Variants in NXPE4 observed in about 807,000 individuals in gnomAD.
NXPE4 encodes the protein neurexophilin and PC-esterase domain family member 4.
In NXPE4, 42 loss-of-function variants were observed where a neutral mutation model predicts 33.3. That is an observed-to-expected ratio of 1.26 (90% CI 0.98 to 1.63). NXPE4 has a LOEUF of 1.63. Ranked by LOEUF, NXPE4 falls within the 40% of genes most tolerant of loss-of-function variation. The pLI, the probability that NXPE4 is intolerant of heterozygous loss-of-function variation, is 0.00. For synonymous variants in NXPE4, 253 were observed against 234.9 expected, an observed-to-expected ratio of 1.08 and a Z score of -0.71; for missense variants, 709 against 647.6, an observed-to-expected ratio of 1.09 and a Z score of -1.03.
At chr11:114,578,725 A>G (rs1294537034) in intron 5 of NXPE4, among the ~76,000 whole-genome samples, 4 of 152,182 alleles carry the variant, frequency 2.6e-5, no homozygotes, top group Non-Finnish European at 5.9e-5. Context: ...AGGGGTAGAC[A>G]ATAATGGTTT....
chr11:114,583,746 A>C, intron 2 of NXPE4: 2 of 504,910 alleles, frequency 4.0e-6, no homozygotes. Flanking sequence ...GAACTGCTAA[A>C]GTATCACCAG....
the NXPE4 span, among the ~76,000 whole-genome samples, chr11:114,628,288 A>G: frequency 6.6e-6 from 1 of 151,370 alleles, no homozygotes; most frequent in South Asian, 2.1e-4. Flanking sequence ...CTCCTCAGAA[A>G]ATGTAAAAGA....
At chr11:114,599,602 A>G (rs1278330387), upstream of NXPE4, among the ~76,000 whole-genome samples, 2 of 152,180 alleles carry the variant, frequency 1.3e-5, no homozygotes, top group Non-Finnish European at 2.9e-5. Context: ...TACAGGGAGC[A>G]TGGTAGCTTC....
In NXPE4 at chr11:114,577,009, TTATATATA is replaced by T. The variant is rs56902026; in HGVS notation, c.1099+3115_1099+3122del. The stretch of plus-strand genomic sequence containing the variant: ...TATATATACATATATATATATAAAG[TTATATATA>T]TATATATATACATATATATATATAA... On this transcript the variant is annotated intron_variant, in intron 5 of 5. Transcript: ENST00000375478. 1.5e-4 allele frequency among the ~76,000 whole-genome samples: 17 copies of T among 116,246 alleles called. No homozygotes were observed. In the East Asian group the frequency reaches 2.4e-3, roughly 17 times the overall value. 76.3% of individuals were successfully genotyped at this position (116,246 alleles called of 152,430 possible).
At chr11:114,609,972 A>C in the NXPE4 span, among the ~76,000 whole-genome samples, 3 of 151,600 alleles carry the variant, frequency 2.0e-5, no homozygotes, top group East Asian at 5.9e-4. Flanking sequence ...GGTGGATAAT[A>C]GTTGTTGCCT....
At chr11:114,647,800 T>C in the NXPE4 span, among the ~76,000 whole-genome samples, 4 of 152,084 alleles carry the variant, frequency 2.6e-5, no homozygotes, top group African/African-American at 9.6e-5. Context: ...CCCCTGGGTT[T>C]AAGCGATTCT....
the NXPE4 span, among the ~76,000 whole-genome samples, chr11:114,614,131 C>T: frequency 1.9e-4 from 28 of 149,076 alleles, no homozygotes; most frequent in South Asian, 2.1e-4. Context: ...GTGTTACCTG[C>T]TGGATAATAA....
At chr11:114,628,942 G>A in the NXPE4 span, among the ~76,000 whole-genome samples, 23 of 152,042 alleles carry the variant, frequency 1.5e-4, no homozygotes, top group Admixed American at 1.1e-3. Context: ...TAAATTCCTC[G>A]ACACATACAC....
chr11:114,577,164 A>G (rs1362225774), intron 5 of NXPE4, among the ~76,000 whole-genome samples: 1 of 133,346 alleles, frequency 7.5e-6, no homozygotes, highest in Non-Finnish European at 1.5e-5. Context: ...TATGTGTCAT[A>G]TATATATATA....
the NXPE4 span, among the ~76,000 whole-genome samples, chr11:114,636,046 G>A: frequency 6.6e-6 from 1 of 151,894 alleles, no homozygotes; most frequent in Non-Finnish European, 1.5e-5. Context: ...AACGGTACCA[G>A]TTCCTCCTTG....
chr11:114,634,100 T>G, the NXPE4 span, among the ~76,000 whole-genome samples: 1 of 151,638 alleles, frequency 6.6e-6, no homozygotes, highest in Non-Finnish European at 1.5e-5. Flanking sequence ...GTGTTCCTAT[T>G]TCTCCACATC....
At chr11:114,608,409 C>G in the NXPE4 span, among the ~76,000 whole-genome samples, 1 of 151,890 alleles carries the variant, frequency 6.6e-6, no homozygotes, top group Non-Finnish European at 1.5e-5. Flanking sequence ...CCACTGTTAC[C>G]TGGTAGATAA....
chr11:114,570,874 C>A lies in NXPE4; in HGVS notation c.*64G>T. On this transcript the variant is annotated 3_prime_UTR_variant, in exon 6 of 6. Coordinates refer to ENST00000375478, the MANE Select transcript of NXPE4 (RefSeq NM_001077639.2). ...ATTCAGAGCCAAACACAGCATCTGGCCTGCTAGTAGACAGTCAATAAATTT... is the reference window on the plus strand; with the variant it reads ...ATTCAGAGCCAAACACAGCATCTGGACTGCTAGTAGACAGTCAATAAATTT... 8.6e-7 allele frequency: 1 copy of A among 1,169,052 alleles called. No homozygotes were observed. 72.4% of individuals were successfully genotyped at this position (1,169,052 alleles called of 1,614,324 possible).
rs1949106458 is a variant in NXPE4 at position 114,580,243 on chromosome 11, A to G, written c.988T>C (p.Cys330Arg). 1 of 1,613,876 alleles carries G rather than the reference A, an allele frequency of 6.2e-7. No individual in the cohort carries two copies. Among genetic ancestry groups the G allele is most frequent in the African/African-American group, 1.3e-5 (1 of 74,912 alleles). ...TTCATTTTGACTGTAGCCAAACTAC[A>G]GGAGACAGGATTCCATGTGTTTCTC... ...VWRNTWNPVS[C>R]SLATVKMKEC... The change falls in exon 5 of 6, where the codon TGT becomes CGT. Residue 330 changes from cysteine to arginine, a missense_variant. By Grantham distance (180) the Cys-to-Arg change is radical. Coordinates refer to ENST00000375478, the MANE Select transcript of NXPE4 (RefSeq NM_001077639.2).
Position 114,583,039 on chromosome 11 carries a change from G to T in NXPE4, c.97-18C>A, listed in dbSNP as rs752055029. On this transcript the variant is annotated intron_variant, in intron 2 of 5. Coordinates refer to ENST00000375478, the MANE Select transcript of NXPE4 (RefSeq NM_001077639.2). Reference sequence around the variant, plus strand: ...GACCAAACCTGAAATGACAGCAAATGTGACATGAGATGGATAAATTTAGAG... The same window carrying T: ...GACCAAACCTGAAATGACAGCAAATTTGACATGAGATGGATAAATTTAGAG... 6.3e-7 allele frequency: 1 copy of T among 1,592,516 alleles called. No individual in the cohort carries two copies. The highest frequency in any genetic ancestry group is 1.7e-5 in the Admixed American group (1 of 58,368).
In NXPE4 at chr11:114,571,423, C is replaced by T. The variant is rs182565081; in HGVS notation, c.1150G>A (p.Ala384Thr). 151 of 1,611,508 alleles carry T rather than the reference C, an allele frequency of 9.4e-5. No homozygotes were observed. The African/African-American group carries it at 1.8e-3, about 19-fold the overall frequency. Residue 384 changes from alanine to threonine, a missense_variant, in exon 6 of 6, where the codon GCT becomes ACT. Ala to Thr is a moderately conservative substitution (Grantham distance 58). Coordinates refer to ENST00000375478, the MANE Select transcript of NXPE4 (RefSeq NM_001077639.2). ...TTGATGTTCCTATCCAAATCCACAG[C>T]AAGCTGGTGTTGCAATTTTCCAGAT... ...HESGKLQHQL[A>T]VDLDRNINIQ...
the NXPE4 span, among the ~76,000 whole-genome samples, chr11:114,604,620 G>A: frequency 6.6e-6 from 1 of 151,948 alleles, no homozygotes; most frequent in Non-Finnish European, 1.5e-5. Flanking sequence ...CGGATACTAA[G>A]TATTGCCTTG....
At chr11:114,612,565 C>A in the NXPE4 span, among the ~76,000 whole-genome samples, 2 of 151,906 alleles carry the variant, frequency 1.3e-5, no homozygotes, top group African/African-American at 4.8e-5. Flanking sequence ...CATGGGTAAC[C>A]ACTGTTACCC....
upstream of NXPE4, among the ~76,000 whole-genome samples, chr11:114,598,397 C>T (rs1949602221): frequency 7.0e-6 from 1 of 143,172 alleles, no homozygotes; most frequent in Admixed American, 6.9e-5. Flanking sequence ...CTCCACTAGG[C>T]AGTGCCCCAG....
Sources: allele counts gnomAD v4.1 joint callset (sites outside exome capture counted in the v4.1 genomes callset), GRCh38; gene constraint gnomAD v4.1.1; transcripts MANE v1.5; gene names NCBI Gene and HGNC (gene_info 2026-07-23, HGNC 2026-07-21).